MRPL3: variants seen among roughly 807,000 people sequenced by gnomAD.
MRPL3 encodes large ribosomal subunit protein uL3m.
MRPL3 carries 43 observed loss-of-function variants against 44.3 expected under a neutral mutation model. The ratio of observed to expected loss-of-function variants is 0.97; its 90% confidence interval spans 0.76 to 1.25. The LOEUF (loss-of-function observed/expected upper bound fraction) is 1.25. MRPL3 is among the 50% of genes most tolerant of loss of function. The pLI, the probability that MRPL3 is intolerant of heterozygous loss-of-function variation, is 0.00. For synonymous variants in MRPL3, 171 were observed against 152.3 expected, an observed-to-expected ratio of 1.12 and a Z score of -0.91; for missense variants, 406 against 427.6, an observed-to-expected ratio of 0.95 and a Z score of 0.45.
Position 131,502,839 on chromosome 3 carries a change from C to T in MRPL3, c.-18G>A, listed in dbSNP as rs1934529728. 2 of 1,609,522 alleles carry T rather than the reference C, an allele frequency of 1.2e-6. No individual in the cohort carries two copies. Among genetic ancestry groups the T allele is most frequent in the African/African-American group, 2.7e-5 (2 of 74,874 alleles). ...CCCGGCATGGATTAGCCCGGGAAGA[C>T]TCGACTCACGACTTCCGGGCGCCCT... On this transcript the variant is annotated 5_prime_UTR_variant, in exon 1 of 10. Coordinates refer to ENST00000264995, the MANE Select transcript of MRPL3 (RefSeq NM_007208.4).
intron 6 of MRPL3, among the ~76,000 whole-genome samples, chr3:131,472,118 TTAAGC>T (rs1328597841): frequency 1.3e-5 from 2 of 152,182 alleles, no homozygotes; most frequent in African/African-American, 4.8e-5. Flanking sequence ...GTTTGTTATT[TTAAGC>T]TATTAAGTTT....
chr3:131,479,694 A>C (rs945825386), intron 6 of MRPL3, among the ~76,000 whole-genome samples: 3 of 152,100 alleles, frequency 2.0e-5, no homozygotes, highest in Non-Finnish European at 4.4e-5. Flanking sequence ...AAATACAAAA[A>C]AATAGCCAGG....
chr3:131,463,380 C>CA (rs34853974), intron 9 of MRPL3, among the ~76,000 whole-genome samples: 18,369 of 126,206 alleles, frequency 0.15, 1,393 homozygotes, highest in South Asian at 0.26. Context: ...GTCACATGGT[C>CA]AAAAAAAAAA....
At chr3:131,480,424 C>G (rs759728640) in intron 6 of MRPL3, among the ~76,000 whole-genome samples, 1 of 152,126 alleles carries the variant, frequency 6.6e-6, no homozygotes, top group East Asian at 1.9e-4. Context: ...CTCTTTAGGA[C>G]GAATTTGTGA....
At chr3:131,500,164 G>A (rs1246867495) in intron 3 of MRPL3, among the ~76,000 whole-genome samples, 1 of 152,086 alleles carries the variant, frequency 6.6e-6, no homozygotes, top group Non-Finnish European at 1.5e-5. Context: ...AAGTAAACAA[G>A]GGGATCTGTA....
intron 9 of MRPL3, among the ~76,000 whole-genome samples, chr3:131,464,124 C>T (rs1933549621): frequency 6.6e-6 from 1 of 152,010 alleles, no homozygotes; most frequent in Admixed American, 6.6e-5. Flanking sequence ...CATATTCTTA[C>T]CAATTTAAAC....
chr3:131,462,565 T>C lies in MRPL3; in HGVS notation c.*158A>G. The C allele has an allele frequency of 1.8e-6, 1 of 552,952 alleles. No individual in the cohort carries two copies. The highest frequency in any genetic ancestry group is 2.8e-6 in the Non-Finnish European group (1 of 356,166). 34.3% of individuals were successfully genotyped at this position (552,952 alleles called of 1,614,324 possible). A position where few individuals can be genotyped will look rare whatever the true frequency, so the allele number is the denominator to read the frequency against. ...ATGTGGTAATTTTTCTAACAAAATT[T>C]AATGGGGGTATGAATGATATATTTA... On this transcript the variant is annotated 3_prime_UTR_variant, in exon 10 of 10. Coordinates refer to ENST00000264995, the MANE Select transcript of MRPL3 (RefSeq NM_007208.4).
chr3:131,471,737 C>T (rs1376364229), intron 6 of MRPL3, among the ~76,000 whole-genome samples: 1 of 152,072 alleles, frequency 6.6e-6, no homozygotes, highest in Non-Finnish European at 1.5e-5. Flanking sequence ...GAACCTAGTC[C>T]CTTGCTTCTA....
At chr3:131,465,672 A>G (rs543305184) in intron 9 of MRPL3, among the ~76,000 whole-genome samples, 41 of 152,248 alleles carry the variant, frequency 2.7e-4, no homozygotes, top group Non-Finnish European at 5.4e-4. Context: ...CTGTGATCTG[A>G]AATGTGGGGC....
intron 6 of MRPL3, among the ~76,000 whole-genome samples, chr3:131,482,582 C>T (rs1039853205): frequency 2.0e-5 from 3 of 151,494 alleles, no homozygotes; most frequent in Admixed American, 6.6e-5. Flanking sequence ...GTTTTGAGAC[C>T]AAAGGGTAAT....
intron 9 of MRPL3, among the ~76,000 whole-genome samples, chr3:131,467,574 G>A (rs1329090569): frequency 2.0e-5 from 3 of 151,914 alleles, no homozygotes; most frequent in Admixed American, 2.0e-4. Context: ...ACAAGATCTT[G>A]TTTAAAAATG....
intron 3 of MRPL3, among the ~76,000 whole-genome samples, chr3:131,499,690 A>C (rs535049135): frequency 6.6e-6 from 1 of 152,242 alleles, no homozygotes; most frequent in Admixed American, 6.5e-5. Context: ...AGTTGTTCAA[A>C]GTGATTGGGG....
At chr3:131,502,526 T>C (rs1934520804) in intron 1 of MRPL3, among the ~76,000 whole-genome samples, 1 of 152,214 alleles carries the variant, frequency 6.6e-6, no homozygotes, top group Non-Finnish European at 1.5e-5. Context: ...TCGCTGCTAG[T>C]GGCTGGCTCA....
chr3:131,480,813 A>G (rs1208393361), intron 6 of MRPL3, among the ~76,000 whole-genome samples: 1 of 152,218 alleles, frequency 6.6e-6, no homozygotes, highest in African/African-American at 2.4e-5. Context: ...ACTGTCATGT[A>G]TTATTTCTTT....
intron 6 of MRPL3, among the ~76,000 whole-genome samples, chr3:131,481,018 G>A (rs945487083): frequency 2.0e-5 from 3 of 152,126 alleles, no homozygotes; most frequent in Non-Finnish European, 2.9e-5. Flanking sequence ...ATCCAGCCAC[G>A]CTTTCAACCC....
At chr3:131,501,752 T>C (rs1934502147) in intron 1 of MRPL3, 37 bp from the exon 2 acceptor site, 2 of 1,591,690 alleles carry the variant, frequency 1.3e-6, no homozygotes, top group Non-Finnish European at 1.7e-6. Flanking sequence ...CAAACCACAA[T>C]TTAAAAACTT....
At chr3:131,494,591 T>A (rs1472051857) in intron 4 of MRPL3, among the ~76,000 whole-genome samples, 1 of 152,144 alleles carries the variant, frequency 6.6e-6, no homozygotes, top group African/African-American at 2.4e-5. Context: ...ACAGACAATA[T>A]ATATAAACAT....
chr3:131,490,227 C>T (rs1297502017), intron 4 of MRPL3, 147 bp from the exon 5 acceptor site: 2 of 594,022 alleles, frequency 3.4e-6, no homozygotes, highest in Non-Finnish European at 6.0e-6. Flanking sequence ...CCCAATTCCC[C>T]TTATTTAAGG....
intron 6 of MRPL3, among the ~76,000 whole-genome samples, chr3:131,476,646 G>T (rs1224089664): frequency 6.6e-6 from 1 of 152,054 alleles, no homozygotes; most frequent in Non-Finnish European, 1.5e-5. Flanking sequence ...AAATTAAGAA[G>T]ACATAAAAGA....
Sources: gnomAD v4.1 joint callset for allele counts (sites outside exome capture counted in the v4.1 genomes callset) on GRCh38, gnomAD v4.1.1 for gene constraint, MANE v1.5 for transcripts, NCBI Gene and HGNC (gene_info 2026-07-23, HGNC 2026-07-21) for gene names.